TMEM132D: variants seen among roughly 807,000 people sequenced by gnomAD.
The protein encoded by TMEM132D is mature OL transmembrane protein.
TMEM132D carries 21 observed loss-of-function variants against 62.3 expected under a neutral mutation model. The observed-to-expected ratio is 0.34, with a 90% CI of 0.24 to 0.49. The LOEUF is 0.49. Among genes scored for constraint, TMEM132D ranks in the 20% least tolerant of loss-of-function variants. The probability of loss-of-function intolerance (pLI) is 0.99; values close to 1 mark genes in which losing one functional copy is unlikely to be tolerated. For missense variants in TMEM132D, 1,346 were observed against 1,402.8 expected (o/e 0.96, Z 0.65); for synonymous variants, 621 against 575.6 (o/e 1.08, Z -1.13).
intron 3 of TMEM132D, among the ~76,000 whole-genome samples, chr12:129,403,797 T>C (rs1043752809): frequency 6.6e-6 from 1 of 152,048 alleles, no homozygotes; most frequent in African/African-American, 2.4e-5. Flanking sequence ...GGGTGCTTAC[T>C]AGGAAGGTAG....
At chr12:129,374,483 G>A (rs146183233) in intron 3 of TMEM132D, among the ~76,000 whole-genome samples, 9 of 152,082 alleles carry the variant, frequency 5.9e-5, no homozygotes, top group South Asian at 2.1e-4. Flanking sequence ...GGCTGGGAGT[G>A]GAAGGGGATT....
intron 2 of TMEM132D, among the ~76,000 whole-genome samples, chr12:129,653,201 A>G (rs536194576): frequency 6.6e-6 from 1 of 152,242 alleles, no homozygotes; most frequent in Admixed American, 6.5e-5. Flanking sequence ...AACCAGGATG[A>G]GGAGGGGCTG....
intron 4 of TMEM132D, among the ~76,000 whole-genome samples, chr12:129,216,102 G>T (rs1193203813): frequency 1.3e-5 from 2 of 152,194 alleles, no homozygotes; most frequent in Non-Finnish European, 2.9e-5. Context: ...GACACTACCA[G>T]CTGGGTGGCT....
At chr12:129,378,946 T>C (rs1870859253) in intron 3 of TMEM132D, among the ~76,000 whole-genome samples, 1 of 152,176 alleles carries the variant, frequency 6.6e-6, no homozygotes. Context: ...CTGCGGATTT[T>C]GTCAGGAGGT....
intron 1 of TMEM132D, among the ~76,000 whole-genome samples, chr12:129,735,602 A>G (rs1593140882): frequency 1.3e-5 from 2 of 152,256 alleles, no homozygotes; most frequent in East Asian, 3.8e-4. Context: ...CTAAATAGAC[A>G]TAACAGCCTA....
At chr12:129,387,354 T>C (rs1211655925) in intron 3 of TMEM132D, among the ~76,000 whole-genome samples, 2 of 151,978 alleles carry the variant, frequency 1.3e-5, no homozygotes, top group Non-Finnish European at 2.9e-5. Context: ...AATACTAACA[T>C]AATCACCAAC....
intron 1 of TMEM132D, among the ~76,000 whole-genome samples, chr12:129,773,451 T>C (rs1870821192): frequency 6.6e-6 from 1 of 151,914 alleles, no homozygotes; most frequent in Non-Finnish European, 1.5e-5. Flanking sequence ...TTGGAGACAC[T>C]GGAGGTGAGG....
intron 3 of TMEM132D, among the ~76,000 whole-genome samples, chr12:129,523,025 AT>A (rs1255021050): frequency 2.0e-5 from 3 of 152,204 alleles, no homozygotes; most frequent in East Asian, 1.9e-4. Flanking sequence ...AGACATAGAA[AT>A]TTTTTTCTCT....
chr12:129,843,275 G>A (rs563094864), intron 1 of TMEM132D, among the ~76,000 whole-genome samples: 16 of 152,126 alleles, frequency 1.1e-4, no homozygotes, highest in African/African-American at 3.6e-4. Flanking sequence ...CCAAATAATA[G>A]ATTAAGAATT....
At chr12:129,706,226 G>A (rs1408929366) in intron 1 of TMEM132D, among the ~76,000 whole-genome samples, 2 of 151,882 alleles carry the variant, frequency 1.3e-5, no homozygotes, top group Non-Finnish European at 2.9e-5. Flanking sequence ...AAAAAGTTAA[G>A]CTATAAATTG....
At chr12:129,264,879 C>T (rs1429461911) in intron 4 of TMEM132D, among the ~76,000 whole-genome samples, 3 of 152,028 alleles carry the variant, frequency 2.0e-5, no homozygotes, top group Non-Finnish European at 4.4e-5. Flanking sequence ...GACACAAAGA[C>T]ATAAGAATGA....
chr12:129,263,005 A>G (rs1880591901), intron 4 of TMEM132D, among the ~76,000 whole-genome samples: 1 of 152,148 alleles, frequency 6.6e-6, no homozygotes, highest in Non-Finnish European at 1.5e-5. Context: ...AATAGAGCAG[A>G]CAGGAATGAG....
At position 129,073,782 on chromosome 12, in the gene TMEM132D, C is replaced by G; in HGVS notation, c.*93G>C. 1.7e-6 allele frequency: 2 copies of G among 1,185,022 alleles called. No individual in the cohort carries two copies. The highest frequency in any genetic ancestry group is 1.5e-5 in the African/African-American group (1 of 65,302). 73.4% of individuals were successfully genotyped at this position (1,185,022 alleles called of 1,614,324 possible). On this transcript the variant is annotated 3_prime_UTR_variant, in exon 9 of 9. Transcript: ENST00000422113. ...ATAGTGTCATCCTTATTTTGTCCTG[C>G]TGCTTTGTTTCTCTTCCGGGGGCAC...
intron 3 of TMEM132D, among the ~76,000 whole-genome samples, chr12:129,377,600 T>C (rs1222413881): frequency 6.6e-6 from 1 of 152,184 alleles, no homozygotes; most frequent in Non-Finnish European, 1.5e-5. Flanking sequence ...GTGTCCCTTT[T>C]GTGAGAATCC....
At chr12:129,283,051 G>T (rs1189376719) in intron 4 of TMEM132D, among the ~76,000 whole-genome samples, 2 of 152,114 alleles carry the variant, frequency 1.3e-5, no homozygotes, top group Admixed American at 6.5e-5. Context: ...GAGGGGATTT[G>T]CCAGGCAGGA....
At chr12:129,611,471 T>A (rs903962612) in intron 2 of TMEM132D, among the ~76,000 whole-genome samples, 4 of 152,214 alleles carry the variant, frequency 2.6e-5, no homozygotes, top group African/African-American at 9.6e-5. Context: ...TGGATATTTT[T>A]CCCAGTTACT....
At chr12:129,626,444 T>C (rs1407995439) in intron 2 of TMEM132D, among the ~76,000 whole-genome samples, 1 of 148,646 alleles carries the variant, frequency 6.7e-6, no homozygotes, top group Non-Finnish European at 1.5e-5. Context: ...TTGTACTTTT[T>C]TTCTACTTTT....
intron 2 of TMEM132D, among the ~76,000 whole-genome samples, chr12:129,655,935 T>C (rs985711906): frequency 3.9e-5 from 6 of 152,178 alleles, no homozygotes; most frequent in Non-Finnish European, 8.8e-5. Flanking sequence ...AAATACAACC[T>C]GAAGTGACCA....
chr12:129,111,520 G>C (rs974248057), intron 5 of TMEM132D: 1 of 152,218 alleles, frequency 6.6e-6, no homozygotes, highest in African/African-American at 2.4e-5. Context: ...ATCACTGTGA[G>C]TGTCTGATGG....
Sources: allele counts gnomAD v4.1 joint callset (sites outside exome capture counted in the v4.1 genomes callset), GRCh38; gene constraint gnomAD v4.1.1; transcripts MANE v1.5; gene names NCBI Gene and HGNC (gene_info 2026-07-23, HGNC 2026-07-21).